The following DNAH9 variants were observed in gnomAD, a reference collection of about 807,000 sequenced individuals.
DNAH9 encodes DNAH9 variant protein.
In DNAH9, 345 loss-of-function variants were observed where a neutral mutation model predicts 471.6. The ratio of observed to expected loss-of-function variants is 0.73; its 90% CI spans 0.67 to 0.80. The LOEUF is 0.80. Ranked by LOEUF, DNAH9 falls within the 30% of genes least tolerant of loss-of-function variation. DNAH9 has a pLI of 0.00. For synonymous variants in DNAH9, 2,093 were observed against 2,123.6 expected, an observed-to-expected ratio of 0.99 and a Z score of 0.40; for missense variants, 5,407 against 5,609.2, an observed-to-expected ratio of 0.96 and a Z score of 1.15.
At chr17:11,740,555 A>G (rs945576610) in intron 29 of DNAH9, among the ~76,000 whole-genome samples, 11 of 152,150 alleles carry the variant, frequency 7.2e-5, no homozygotes, top group Non-Finnish European at 1.3e-4. Flanking sequence ...ATACCATCAC[A>G]TTGCATTTTG....
chr17:11,781,852 A>AAAAAAAAAAAAAC (rs1567798343), intron 39 of DNAH9, among the ~76,000 whole-genome samples: 1 of 149,736 alleles, frequency 6.7e-6, no homozygotes. Flanking sequence ...AACAAACAAA[A>AAAAAAAAAAAAAC]AAAAAACTAC....
In DNAH9 at chr17:11,623,558, A is replaced by T. The variant is rs934695291; in HGVS notation, c.1350+3777A>T. Among the ~76,000 whole-genome samples the T allele has an allele frequency of 1.3e-5, 2 of 151,820 alleles. No individual in the cohort carries two copies. The highest frequency in any genetic ancestry group is 4.8e-5 in the African/African-American group (2 of 41,272). On this transcript the variant is annotated intron_variant, in intron 6 of 68. Coordinates refer to ENST00000262442, the MANE Select transcript of DNAH9 (RefSeq NM_001372.4). This position sits in a 1 kb window ranked among gnomAD's most constrained non-coding sequence, Gnocchi z 4.1. ...CTCCTCCCCCAGCTCTTGCCTCCTG[A>T]GTCTGTGCAGTGGAACACAGGACTA...
At chr17:11,898,212 C>T (rs965957923) in intron 59 of DNAH9, among the ~76,000 whole-genome samples, 9 of 151,924 alleles carry the variant, frequency 5.9e-5, no homozygotes, top group African/African-American at 1.7e-4. Flanking sequence ...GCAACCTCTG[C>T]CTCCCGGGTT....
At chr17:11,955,328 A>C (rs1352757682) in intron 67 of DNAH9, among the ~76,000 whole-genome samples, 1 of 151,968 alleles carries the variant, frequency 6.6e-6, no homozygotes, top group Admixed American at 6.6e-5. Context: ...ACTATTTGAC[A>C]CTTTACAGGA....
At chr17:11,900,635 G>T (rs2151011537) in intron 59 of DNAH9, among the ~76,000 whole-genome samples, 1 of 152,062 alleles carries the variant, frequency 6.6e-6, no homozygotes, top group African/African-American at 2.4e-5. Flanking sequence ...AAAGGCTTGT[G>T]TTTTTTGTTG....
chr17:11,806,361 A>T lies in DNAH9; in HGVS notation c.8421-1371A>T, dbSNP rs146428865. On this transcript the variant is annotated intron_variant, in intron 43 of 68. Transcript: ENST00000262442. ...ATAATCAGAGATATAAACTTAAAAAATATATACAGTGTTATTTATAAATGG... is the reference window on the plus strand; with the variant it reads ...ATAATCAGAGATATAAACTTAAAAATTATATACAGTGTTATTTATAAATGG... Among the ~76,000 whole-genome samples, 69 of 152,336 alleles carry T rather than the reference A, an allele frequency of 4.5e-4. 1 individual carries two copies. The East Asian group carries it at 7.7e-3, about 17-fold the overall frequency.
chr17:11,806,844 G>A (rs1030815325), intron 43 of DNAH9, among the ~76,000 whole-genome samples: 3 of 152,076 alleles, frequency 2.0e-5, no homozygotes, highest in Non-Finnish European at 2.9e-5. Flanking sequence ...AGAAAATCAG[G>A]GTTCTTTTTA....
At position 11,917,969 on chromosome 17, in the gene DNAH9, A is replaced by G. The variant is rs924105834; in HGVS notation, c.11750-5845A>G. 9.2e-5 allele frequency among the ~76,000 whole-genome samples: 14 copies of G among 152,222 alleles called. 1 individual carries two copies. The South Asian group carries it at 2.7e-3, about 29-fold the overall frequency. ...TTGCCCAATTACCTGGCTTTAACAAAATGAGTTCTGTCTTTCCATTTTCTG... is the reference window on the plus strand; with the variant it reads ...TTGCCCAATTACCTGGCTTTAACAAGATGAGTTCTGTCTTTCCATTTTCTG... On this transcript the variant is annotated intron_variant, in intron 61 of 68. Transcript: ENST00000262442.
At chr17:11,674,665 A>G (rs537615480) in intron 17 of DNAH9, among the ~76,000 whole-genome samples, 3 of 152,230 alleles carry the variant, frequency 2.0e-5, no homozygotes, top group African/African-American at 7.2e-5. Flanking sequence ...CTTATGGTGT[A>G]TTCTGATAAA....
intron 67 of DNAH9, among the ~76,000 whole-genome samples, chr17:11,949,740 A>C (rs1227852820): frequency 6.6e-6 from 1 of 152,070 alleles, no homozygotes; most frequent in Admixed American, 6.6e-5. Flanking sequence ...CTCCACCACA[A>C]AGTGCTGGGA....
intron 50 of DNAH9, among the ~76,000 whole-genome samples, chr17:11,866,917 A>G (rs4420567): frequency 0.44 from 66,333 of 152,116 alleles, 14,877 homozygotes; most frequent in Admixed American, 0.57. Flanking sequence ...TCCAGGTGCC[A>G]TCTGTCACCC....
intron 26 of DNAH9, among the ~76,000 whole-genome samples, chr17:11,709,494 C>T (rs573413434): frequency 2.9e-4 from 44 of 152,196 alleles, no homozygotes; most frequent in African/African-American, 7.9e-4. Flanking sequence ...CTCTCCTGCC[C>T]GAAGAATTAA....
chr17:11,790,559 T>A (rs1182534164), intron 41 of DNAH9, among the ~76,000 whole-genome samples: 1 of 152,064 alleles, frequency 6.6e-6, no homozygotes, highest in Non-Finnish European at 1.5e-5. Context: ...CATATTCTTA[T>A]ATTTAAGGTA....
chr17:11,656,800 A>G (rs900213979), intron 14 of DNAH9, among the ~76,000 whole-genome samples: 5 of 152,144 alleles, frequency 3.3e-5, no homozygotes, highest in South Asian at 2.1e-4. Context: ...TTTTGTCAAT[A>G]TAGAGTAGAT....
chr17:11,805,146 G>A (rs1014714469), intron 43 of DNAH9, among the ~76,000 whole-genome samples: 8 of 152,070 alleles, frequency 5.3e-5, no homozygotes, highest in African/African-American at 9.7e-5. Flanking sequence ...AGCAGCAAGC[G>A]CACCCCACAG....
rs1050265439 is a variant in DNAH9, at chr17:11,658,686, A to T, written c.2595+5684A>T. Among the ~76,000 whole-genome samples, 7 of 152,090 alleles carry T rather than the reference A, an allele frequency of 4.6e-5. No homozygotes were observed. In the South Asian group the frequency reaches 1.5e-3, roughly 32 times the overall value. ...GGAAGACCCCTTTTATTCCTAGTTG[A>T]CTAAAAGAGTTTCATCATGATTAAA... On this transcript the variant is annotated intron_variant, in intron 14 of 68. Transcript: ENST00000262442.
At chr17:11,793,414 G>A in intron 41 of DNAH9, 89 bp from the exon 42 acceptor site, 1 of 1,212,624 alleles carries the variant, frequency 8.2e-7, no homozygotes, top group South Asian at 1.5e-5. Flanking sequence ...ATCATCCCAG[G>A]TTAGATAAAA....
intron 28 of DNAH9, 41 bp downstream of exon 28, chr17:11,727,963 T>C (rs2075185363): frequency 7.9e-6 from 10 of 1,272,598 alleles, no homozygotes; most frequent in East Asian, 2.3e-5. Context: ...GGTCTTCATA[T>C]TGATTACTGC....
chr17:11,760,632 G>T (rs1828830917), intron 35 of DNAH9, among the ~76,000 whole-genome samples: 1 of 152,006 alleles, frequency 6.6e-6, no homozygotes, highest in Admixed American at 6.6e-5. Flanking sequence ...AGATTCTCCT[G>T]CCTCAGCCTC....
Sources: allele counts gnomAD v4.1 joint callset (sites outside exome capture counted in the v4.1 genomes callset), GRCh38; gene constraint gnomAD v4.1.1; non-coding constraint Gnocchi (gnomAD v3.1); transcripts MANE v1.5; gene names NCBI Gene and HGNC (gene_info 2026-07-23, HGNC 2026-07-21).